The following C14orf132 variants were observed in gnomAD, a reference collection of about 807,000 sequenced individuals.
The protein encoded by C14orf132 is uncharacterized protein C14orf132.
In C14orf132, 6 loss-of-function variants were observed where a neutral mutation model predicts 5.8. The observed-to-expected ratio is 1.03, with a 90% CI of 0.57 to 2.04. C14orf132 has a LOEUF of 2.04. Ranked by LOEUF, C14orf132 falls within the 30% of genes most tolerant of loss-of-function variation. The pLI, the probability that C14orf132 is intolerant of heterozygous loss-of-function variation, is 0.00. For missense variants in C14orf132, 125 were observed against 115.8 expected (o/e 1.08, Z -0.37); for synonymous variants, 51 against 49.8 (o/e 1.02, Z -0.10).
intron 1 of C14orf132, among the ~76,000 whole-genome samples, chr14:96,048,413 C>T (rs1886892714): frequency 6.6e-6 from 1 of 152,188 alleles, no homozygotes; most frequent in South Asian, 2.1e-4. Flanking sequence ...TTACCTTTTC[C>T]AGGGTATCAT....
At chr14:96,059,703 G>C (rs904893440) in intron 1 of C14orf132, among the ~76,000 whole-genome samples, 3 of 152,196 alleles carry the variant, frequency 2.0e-5, no homozygotes, top group African/African-American at 7.2e-5. Context: ...CCATGCCACT[G>C]CTTCAGCCCT....
intron 1 of C14orf132, among the ~76,000 whole-genome samples, chr14:96,061,454 C>T (rs1887354757): frequency 1.3e-5 from 2 of 152,156 alleles, no homozygotes. Context: ...TGACAAACAG[C>T]AAACGTGGCT....
At position 96,049,639 on chromosome 14, in the gene C14orf132, C is replaced by CGT. The variant is rs1491446586; in HGVS notation, c.27+10113_27+10114dup. Reference sequence around the variant, plus strand: ...ATATACGTATATATATACATATATACGTATATATATATATAGAGAGAGAGA... The same window carrying CGT: ...ATATACGTATATATATACATATATACGTGTATATATATATATAGAGAGAGAGA... On this transcript the variant is annotated intron_variant, in intron 1 of 1. Coordinates refer to ENST00000555004, the MANE Select transcript of C14orf132 (RefSeq NM_001252507.3). Among the ~76,000 whole-genome samples, 8 of 46,498 alleles carry CGT rather than the reference C, an allele frequency of 1.7e-4. 1 individual carries two copies. Among genetic ancestry groups the CGT allele is most frequent in the East Asian group, 2.6e-3 (2 of 772 alleles). 30.5% of individuals were successfully genotyped at this position (46,498 alleles called of 152,430 possible).
chr14:96,066,730 A>G (rs1309846854), intron 1 of C14orf132, among the ~76,000 whole-genome samples: 1 of 152,240 alleles, frequency 6.6e-6, no homozygotes, highest in Non-Finnish European at 1.5e-5. Context: ...ACTATAATGT[A>G]ATGTGAGTAC....
rs1206951246 is a variant in C14orf132 at position 96,091,129 on chromosome 14, C to T, written c.*4394C>T. The T allele has an allele frequency of 4.9e-6, 2 of 411,026 alleles. No homozygotes were observed. The highest frequency in any genetic ancestry group is 5.2e-5 in the Admixed American group (2 of 38,762). 25.5% of individuals were successfully genotyped at this position (411,026 alleles called of 1,614,324 possible). A position where few individuals can be genotyped will look rare whatever the true frequency, so the allele number is the denominator to read the frequency against. The stretch of plus-strand genomic sequence containing the variant: ...GGGCTGAACGCTCACAGCTAAGGAG[C>T]TGTGATTCAGACCCAGTTCTGTCAG... On this transcript the variant is annotated 3_prime_UTR_variant, in exon 2 of 2. Coordinates refer to ENST00000555004, the MANE Select transcript of C14orf132 (RefSeq NM_001252507.3).
chr14:96,055,025 G>C (rs1044492614), intron 1 of C14orf132, among the ~76,000 whole-genome samples: 1 of 152,206 alleles, frequency 6.6e-6, no homozygotes, highest in African/African-American at 2.4e-5. Flanking sequence ...GATATGTCAA[G>C]AACTGTGAGG....
chr14:96,071,513 G>A, intron 1 of C14orf132, among the ~76,000 whole-genome samples: 1 of 152,306 alleles, frequency 6.6e-6, no homozygotes, highest in South Asian at 2.1e-4. Context: ...GGATTTGGTG[G>A]CATAAACTCA....
intron 1 of C14orf132, among the ~76,000 whole-genome samples, chr14:96,082,647 A>G (rs1888061180): frequency 6.6e-6 from 1 of 152,228 alleles, no homozygotes; most frequent in African/African-American, 2.4e-5. Flanking sequence ...CTGACAACTG[A>G]AAATGAGTAC....
rs888343532 is a variant in C14orf132, at chr14:96,093,739, C to T, written c.*7004C>T. On this transcript the variant is annotated 3_prime_UTR_variant, in exon 2 of 2. Transcript: ENST00000555004. ...GACTTCTCTACAGTGAAGACTCTTTCTTAATAAAGGATTTCGCTGTGCTCT... is the reference window on the plus strand; with the variant it reads ...GACTTCTCTACAGTGAAGACTCTTTTTTAATAAAGGATTTCGCTGTGCTCT... 6.6e-6 allele frequency: 1 copy of T among 152,220 alleles called. No individual in the cohort carries two copies. Among genetic ancestry groups the T allele is most frequent in the South Asian group, 2.1e-4 (1 of 4,836 alleles). The allele number at this position is 152,220 out of a possible 1,614,324, so 9.4% of individuals were successfully genotyped here. A position where few individuals can be genotyped will look rare whatever the true frequency, so the allele number is the denominator to read the frequency against.
intron 1 of C14orf132, among the ~76,000 whole-genome samples, chr14:96,083,880 T>C (rs1888102865): frequency 6.6e-6 from 1 of 152,202 alleles, no homozygotes; most frequent in African/African-American, 2.4e-5. Context: ...GTGCAGAGGC[T>C]GGAGGGCATC....
intron 1 of C14orf132, among the ~76,000 whole-genome samples, chr14:96,057,573 A>C (rs1887219450): frequency 6.6e-6 from 1 of 152,188 alleles, no homozygotes; most frequent in Non-Finnish European, 1.5e-5. Context: ...GAAGGAGCTC[A>C]TTGAACCCCA....
chr14:96,062,729 C>G (rs1385662246), intron 1 of C14orf132, among the ~76,000 whole-genome samples: 1 of 152,162 alleles, frequency 6.6e-6, no homozygotes, highest in Non-Finnish European at 1.5e-5. Flanking sequence ...ATTTCAGCAA[C>G]TGGAACCCAG....
intron 1 of C14orf132, among the ~76,000 whole-genome samples, chr14:96,080,826 C>T (rs1369184618): frequency 6.6e-6 from 1 of 152,188 alleles, no homozygotes; most frequent in East Asian, 1.9e-4. Context: ...CACTGCGGGG[C>T]AGGGACCCCA....
chr14:96,086,470 C>A (rs536643591), intron 1 of C14orf132, 41 bp from the exon 2 acceptor site: 3 of 1,512,280 alleles, frequency 2.0e-6, no homozygotes, highest in Non-Finnish European at 2.7e-6. Flanking sequence ...TCTGCCCAAG[C>A]CCCCATGGCC....
At chr14:96,076,685 T>C (rs1887875949) in intron 1 of C14orf132, among the ~76,000 whole-genome samples, 1 of 152,238 alleles carries the variant, frequency 6.6e-6, no homozygotes, top group Admixed American at 6.5e-5. Flanking sequence ...GGCCACATTC[T>C]GTCCTGGGAT....
chr14:96,046,486 A>G lies in C14orf132; in HGVS notation c.27+6959A>G, dbSNP rs139860501. 2.6e-3 allele frequency among the ~76,000 whole-genome samples: 394 copies of G among 152,328 alleles called. 2 individuals carry two copies. The highest frequency in any genetic ancestry group is 8.8e-3 in the African/African-American group (366 of 41,574). On this transcript the variant is annotated intron_variant, in intron 1 of 1. Coordinates refer to ENST00000555004, the MANE Select transcript of C14orf132 (RefSeq NM_001252507.3). ...GCTTTATTAGGCTGAACCATGTGAA[A>G]TTGCTGACATTTGACCATTTTTGAC...
chr14:96,067,160 G>A (rs1005427874), intron 1 of C14orf132, among the ~76,000 whole-genome samples: 1 of 152,230 alleles, frequency 6.6e-6, no homozygotes, highest in Non-Finnish European at 1.5e-5. Flanking sequence ...AGGAGAGGAA[G>A]TGAGCATAGA....
intron 1 of C14orf132, among the ~76,000 whole-genome samples, chr14:96,065,655 T>C (rs7152797): frequency 0.26 from 39,007 of 150,274 alleles, 5,545 homozygotes; most frequent in African/African-American, 0.37. Context: ...CCTGACCCCC[T>C]CCACCCCCAG....
chr14:96,062,757 T>A (rs1887397587), intron 1 of C14orf132, among the ~76,000 whole-genome samples: 1 of 152,178 alleles, frequency 6.6e-6, no homozygotes, highest in African/African-American at 2.4e-5. Context: ...AACAGAGGAT[T>A]AAAGCGCTGT....
Sources: gnomAD v4.1 joint callset for allele counts (sites outside exome capture counted in the v4.1 genomes callset) on GRCh38, gnomAD v4.1.1 for gene constraint, MANE v1.5 for transcripts, NCBI Gene and HGNC (gene_info 2026-07-23, HGNC 2026-07-21) for gene names.